Variants in UNC13C observed in about 807,000 individuals in gnomAD.
UNC13C encodes unc-13 homolog C.
Under a neutral mutation model 245.4 loss-of-function variants are expected in UNC13C, and 174 were observed. The ratio of observed to expected loss-of-function variants is 0.71; its 90% CI spans 0.63 to 0.80. The LOEUF (loss-of-function observed/expected upper bound fraction) is 0.80. Ranked by LOEUF, UNC13C falls within the 30% of genes least tolerant of loss-of-function variation. The pLI is 0.00. For synonymous variants in UNC13C, 992 were observed against 895.1 expected (o/e 1.11, Z -1.93); for missense variants, 2,829 against 2,602.9 (o/e 1.09, Z -1.89).
At chr15:54,549,060 T>A (rs150791089) in intron 27 of UNC13C, among the ~76,000 whole-genome samples, 5 of 152,286 alleles carry the variant, frequency 3.3e-5, no homozygotes, top group African/African-American at 1.2e-4. Context: ...ACTTTTCCAG[T>A]CACATACACC....
intron 18 of UNC13C, among the ~76,000 whole-genome samples, chr15:54,399,982 G>A (rs937856386): frequency 1.3e-5 from 2 of 151,968 alleles, no homozygotes; most frequent in Non-Finnish European, 1.5e-5. Flanking sequence ...AGACTATGCA[G>A]TAGAGTCCTG....
chr15:54,396,037 G>A (rs1443497400), intron 18 of UNC13C, among the ~76,000 whole-genome samples: 1 of 151,544 alleles, frequency 6.6e-6, no homozygotes, highest in Non-Finnish European at 1.5e-5. Flanking sequence ...ATTAAGCAGA[G>A]TACTTTCAGA....
At chr15:54,009,640 G>A (rs765440) in intron 1 of UNC13C, among the ~76,000 whole-genome samples, 7,126 of 151,234 alleles carry the variant, frequency 0.047, 236 homozygotes, top group Non-Finnish European at 0.069. Context: ...TCTGCCTCCC[G>A]GGTTCAAGTG....
At chr15:54,008,064 T>C (rs1443257602) in intron 1 of UNC13C, among the ~76,000 whole-genome samples, 2 of 152,234 alleles carry the variant, frequency 1.3e-5, no homozygotes, top group Admixed American at 6.5e-5. Flanking sequence ...CTGAAAATGC[T>C]TTAACTTAAT....
the UNC13C span, among the ~76,000 whole-genome samples, chr15:53,960,585 A>G: frequency 1.3e-5 from 2 of 152,208 alleles, no homozygotes; most frequent in Admixed American, 1.3e-4. Flanking sequence ...TGAACACACA[A>G]CACAAAGTAA....
At chr15:54,457,277 A>G (rs1460834912) in intron 19 of UNC13C, among the ~76,000 whole-genome samples, 1 of 152,118 alleles carries the variant, frequency 6.6e-6, no homozygotes, top group East Asian at 1.9e-4. Context: ...GGATTCAGAT[A>G]GCTAGTATTT....
At chr15:54,444,738 T>C (rs1161961146) in intron 19 of UNC13C, among the ~76,000 whole-genome samples, 2 of 152,072 alleles carry the variant, frequency 1.3e-5, no homozygotes, top group African/African-American at 2.4e-5. Flanking sequence ...ATTTTTATGA[T>C]GGTGGATGTC....
At chr15:54,545,648 G>T (rs1019589140) in intron 26 of UNC13C, among the ~76,000 whole-genome samples, 1 of 152,024 alleles carries the variant, frequency 6.6e-6, no homozygotes, top group African/African-American at 2.4e-5. Context: ...AGTGGACAAG[G>T]ATATGAACAG....
chr15:54,180,090 G>A (rs555732346), intron 4 of UNC13C, among the ~76,000 whole-genome samples: 1 of 152,010 alleles, frequency 6.6e-6, no homozygotes, highest in African/African-American at 2.4e-5. Context: ...TGAGGTTTGG[G>A]GTATGAATGA....
At chr15:54,296,527 A>C (rs2037441031) in intron 11 of UNC13C, among the ~76,000 whole-genome samples, 1 of 152,072 alleles carries the variant, frequency 6.6e-6, no homozygotes, top group Non-Finnish European at 1.5e-5. Context: ...CCAGCAGAGA[A>C]TTTTAATATT....
the UNC13C span, among the ~76,000 whole-genome samples, chr15:53,903,895 C>T: frequency 2.6e-5 from 4 of 152,056 alleles, no homozygotes; most frequent in Non-Finnish European, 4.4e-5. Flanking sequence ...ATTGAAATTT[C>T]CATCTGAGAT....
intron 1 of UNC13C, among the ~76,000 whole-genome samples, chr15:53,999,115 A>G (rs1894768652): frequency 6.6e-6 from 1 of 152,046 alleles, no homozygotes; most frequent in Non-Finnish European, 1.5e-5. Context: ...GTGGCCAAAT[A>G]AAGCAATTGG....
At chr15:54,379,414 AG>A (rs1173661608) in intron 17 of UNC13C, among the ~76,000 whole-genome samples, 1 of 152,164 alleles carries the variant, frequency 6.6e-6, no homozygotes, top group Non-Finnish European at 1.5e-5. Context: ...GGCACCCAAA[AG>A]TAAGTGTATT....
At chr15:54,342,926 G>C (rs2038769471) in intron 17 of UNC13C, among the ~76,000 whole-genome samples, 1 of 151,998 alleles carries the variant, frequency 6.6e-6, no homozygotes. Flanking sequence ...TTAAAACTTG[G>C]TCCTCCAGGA....
At chr15:54,488,082 C>G (rs1893517965) in intron 19 of UNC13C, among the ~76,000 whole-genome samples, 1 of 152,056 alleles carries the variant, frequency 6.6e-6, no homozygotes, top group Non-Finnish European at 1.5e-5. Context: ...CTCATCCTAC[C>G]TTATTTTTTC....
At chr15:54,533,551 C>T (rs1193022984) in intron 26 of UNC13C, among the ~76,000 whole-genome samples, 2 of 152,162 alleles carry the variant, frequency 1.3e-5, no homozygotes, top group African/African-American at 4.8e-5. Flanking sequence ...ATTGAGTGCT[C>T]ACCTGTATCA....
chr15:54,055,791 A>G (rs748408340), intron 2 of UNC13C, among the ~76,000 whole-genome samples: 16 of 152,212 alleles, frequency 1.1e-4, no homozygotes, highest in Non-Finnish European at 1.9e-4. Flanking sequence ...GAATTAAGGT[A>G]ACACTAATAG....
Position 54,014,698 on chromosome 15 carries a change from G to C in UNC13C, c.1795G>C (p.Asp599His). 6.2e-7 allele frequency: 1 copy of C among 1,613,754 alleles called. No homozygotes were observed. Among genetic ancestry groups the C allele is most frequent in the Non-Finnish European group, 8.5e-7 (1 of 1,179,836 alleles). Residue 599 changes from aspartate to histidine, a missense_variant, in exon 2 of 33, where the codon GAC (aspartate) becomes CAC (histidine). Transcript: ENST00000260323. ...RKQEGTATLY[D>H]SPKDQHLNGG... ...ACAGGAAGGAACAGCGACCCTGTAT[G>C]ACAGTCCCAAGGACCAGCATTTGAA...
intron 19 of UNC13C, among the ~76,000 whole-genome samples, chr15:54,489,088 G>A (rs1406859435): frequency 1.3e-5 from 2 of 152,090 alleles, no homozygotes; most frequent in African/African-American, 4.8e-5. Context: ...TATAATTGTA[G>A]TTTATTTTAA....
Sources: gnomAD v4.1 joint callset for allele counts (sites outside exome capture counted in the v4.1 genomes callset) on GRCh38, gnomAD v4.1.1 for gene constraint, MANE v1.5 for transcripts, NCBI Gene and HGNC (gene_info 2026-07-23, HGNC 2026-07-21) for gene names.